RBM11: variants seen among roughly 807,000 people sequenced by gnomAD.
RBM11 encodes RNA binding motif protein 11.
In RBM11, 18 loss-of-function variants were observed where a neutral mutation model predicts 21.4. The ratio of observed to expected loss-of-function variants is 0.84; its 90% CI spans 0.58 to 1.25. RBM11 has a LOEUF of 1.25. RBM11 is among the 50% of genes most tolerant of loss of function. RBM11 has a pLI of 0.00. For missense variants in RBM11, 294 were observed against 331.9 expected (o/e 0.89, Z 0.89); for synonymous variants, 120 against 116.3 (o/e 1.03, Z -0.20).
chr21:14,222,926 T>C (rs995774267), intron 3 of RBM11, among the ~76,000 whole-genome samples: 3 of 152,224 alleles, frequency 2.0e-5, no homozygotes, highest in Admixed American at 2.0e-4. Context: ...CTATCTAGAC[T>C]CATGTGTCGA....
intron 3 of RBM11, among the ~76,000 whole-genome samples, chr21:14,221,637 A>G (rs1225486327): frequency 1.3e-5 from 2 of 152,152 alleles, no homozygotes; most frequent in African/African-American, 4.8e-5. Flanking sequence ...TTAATTTTCA[A>G]ACTCATCTAG....
chr21:14,225,992 G>A (rs1012018595), intron 4 of RBM11, among the ~76,000 whole-genome samples: 14 of 151,706 alleles, frequency 9.2e-5, no homozygotes, highest in Admixed American at 3.9e-4. Context: ...ATTTAAAACC[G>A]ATACTTGGTT....
chr21:14,226,054 A>G (rs887766128), intron 4 of RBM11, among the ~76,000 whole-genome samples: 4 of 152,100 alleles, frequency 2.6e-5, no homozygotes, highest in African/African-American at 9.7e-5. Flanking sequence ...CCATGTGAGT[A>G]TATTTTTTTC....
Position 14,227,719 on chromosome 21 carries a change from T to C in RBM11, c.*426T>C, listed in dbSNP as rs1979231206. 1 of 166,364 alleles carries C rather than the reference T, an allele frequency of 6.0e-6. No homozygotes were observed. Among genetic ancestry groups the C allele is most frequent in the African/African-American group, 2.4e-5 (1 of 41,628 alleles). 10.3% of individuals were successfully genotyped at this position (166,364 alleles called of 1,614,324 possible). A position where few individuals can be genotyped will look rare whatever the true frequency, so the allele number is the denominator to read the frequency against. ...TTCCTGAAAGAAAGTAGTGCAGATA[T>C]TTAAGGATTGCATATTGTTCCTAAT... On this transcript the variant is annotated 3_prime_UTR_variant, in exon 5 of 5. Transcript: ENST00000400577.
chr21:14,224,355 A>G, intron 3 of RBM11, 83 bp from the exon 4 acceptor site: 1 of 1,482,492 alleles, frequency 6.7e-7, no homozygotes, highest in Non-Finnish European at 8.9e-7. Context: ...CCCTGAGGAA[A>G]GATAGTGGTT....
chr21:14,222,308 C>T (rs386445), intron 3 of RBM11, among the ~76,000 whole-genome samples: 65,567 of 149,792 alleles, frequency 0.44, 14,152 homozygotes, highest in East Asian at 0.61. Context: ...TATATAGATA[C>T]TTATATATAG....
chr21:14,220,582 T>C (rs754379409), intron 2 of RBM11, among the ~76,000 whole-genome samples: 3 of 152,224 alleles, frequency 2.0e-5, no homozygotes, highest in Non-Finnish European at 4.4e-5. Context: ...GGTTGCATCA[T>C]GCTCTCTGGT....
intron 1 of RBM11, among the ~76,000 whole-genome samples, chr21:14,218,277 T>C (rs1978378668): frequency 6.6e-6 from 1 of 152,206 alleles, no homozygotes; most frequent in Non-Finnish European, 1.5e-5. Flanking sequence ...TTAATATCTG[T>C]ATAAAAATCA....
chr21:14,226,287 T>C (rs1165110674), intron 4 of RBM11, among the ~76,000 whole-genome samples: 20 of 152,188 alleles, frequency 1.3e-4, no homozygotes, highest in Admixed American at 1.3e-3. Context: ...TTAATTTCAC[T>C]GTTTCTTTCT....
Position 14,216,166 on chromosome 21 carries a change from T to C in RBM11, c.-21T>C, listed in dbSNP as rs1302209143. 1 of 1,604,748 alleles carries C rather than the reference T, an allele frequency of 6.2e-7. No individual in the cohort carries two copies. Among genetic ancestry groups the C allele is most frequent in the Non-Finnish European group, 8.5e-7 (1 of 1,173,656 alleles). On this transcript the variant is annotated 5_prime_UTR_variant, in exon 1 of 5. Transcript: ENST00000400577. ...GGGCGGGGTCTCAGCTCCTACTTCA[T>C]TCTACGGCCGAGACCGGAGGATGTT...
intron 1 of RBM11, among the ~76,000 whole-genome samples, chr21:14,218,574 C>CTGGGAGAGCACAGAGAA (rs1267915022): frequency 6.6e-6 from 1 of 152,110 alleles, no homozygotes; most frequent in Non-Finnish European, 1.5e-5. Flanking sequence ...AAGCTAGTCC[C>CTGGGAGAGCACAGAGAA]TGGGAGAGCA....
intron 3 of RBM11, 110 bp downstream of exon 3, chr21:14,221,279 T>TA: frequency 1.6e-6 from 2 of 1,222,862 alleles, no homozygotes; most frequent in South Asian, 2.0e-5. Context: ...AGGCCTAGGA[T>TA]AAAATTAAGG....
intron 3 of RBM11, 117 bp from the exon 4 acceptor site, chr21:14,224,321 C>A: frequency 7.1e-7 from 1 of 1,408,280 alleles, no homozygotes; most frequent in Non-Finnish European, 9.4e-7. Flanking sequence ...ACATGTGATT[C>A]CTCTATGCAG....
intron 2 of RBM11, among the ~76,000 whole-genome samples, chr21:14,220,141 T>C (rs528084026): frequency 6.6e-6 from 1 of 152,246 alleles, no homozygotes; most frequent in Non-Finnish European, 1.5e-5. Context: ...GGGCATTTAG[T>C]CCTTCTGGGG....
chr21:14,216,484 G>T (rs181575629), intron 1 of RBM11, among the ~76,000 whole-genome samples: 1 of 152,164 alleles, frequency 6.6e-6, no homozygotes, highest in African/African-American at 2.4e-5. Context: ...CATCCGCGCT[G>T]CAGAGTCCTG....
Position 14,224,421 on chromosome 21 carries a change from CT to C in RBM11, c.333-14del, listed in dbSNP as rs1311944108. 1.3e-6 allele frequency: 2 copies of C among 1,531,270 alleles called. No homozygotes were observed. The highest frequency in any genetic ancestry group is 2.4e-5 in the East Asian group (1 of 41,116). 94.9% of individuals were successfully genotyped at this position (1,531,270 alleles called of 1,614,324 possible). On this transcript the variant is annotated splice_polypyrimidine_tract_variant and intron_variant, in intron 3 of 4. Transcript: ENST00000400577. ...GAATTTTAAGATTTTATTACTTCTT[CT>C]TTCATCTCCTCAAAGGAATGAAGAA...
chr21:14,216,661 T>C (rs898940496), intron 1 of RBM11, among the ~76,000 whole-genome samples: 2 of 152,174 alleles, frequency 1.3e-5, no homozygotes, highest in African/African-American at 4.8e-5. Context: ...GGGGTCGCTT[T>C]TATAATGTTT....
At chr21:14,220,354 T>C (rs1404851009) in intron 2 of RBM11, among the ~76,000 whole-genome samples, 2 of 152,202 alleles carry the variant, frequency 1.3e-5, no homozygotes, top group African/African-American at 2.4e-5. Flanking sequence ...AGCTCTTTCA[T>C]GTTTCAGGAG....
intron 1 of RBM11, among the ~76,000 whole-genome samples, chr21:14,218,744 T>G (rs1341842607): frequency 6.6e-6 from 1 of 152,162 alleles, no homozygotes. Flanking sequence ...ATTAAATCAG[T>G]TGTTTGTGTT....
Sources: gnomAD v4.1 joint callset for allele counts (sites outside exome capture counted in the v4.1 genomes callset) on GRCh38, gnomAD v4.1.1 for gene constraint, MANE v1.5 for transcripts, NCBI Gene and HGNC (gene_info 2026-07-23, HGNC 2026-07-21) for gene names.